RTN1: variants seen among roughly 807,000 people sequenced by gnomAD.
The protein encoded by RTN1 is reticulon 1.
A neutral mutation model predicts 65.5 loss-of-function variants in RTN1; 25 were observed. The observed-to-expected ratio is 0.38, with a 90% CI of 0.28 to 0.53. The LOEUF (loss-of-function observed/expected upper bound fraction) is 0.53, where lower values mean the gene tolerates loss of function less well. Among genes scored for constraint, RTN1 ranks in the 20% least tolerant of loss-of-function variants. The pLI, the probability that RTN1 is intolerant of heterozygous loss-of-function variation, is 0.79. For synonymous variants in RTN1, 471 were observed against 447.6 expected, an observed-to-expected ratio of 1.05 and a Z score of -0.66; for missense variants, 983 against 1,025.4, an observed-to-expected ratio of 0.96 and a Z score of 0.57.
At chr14:59,783,195 T>C (rs1196903458) in intron 1 of RTN1, among the ~76,000 whole-genome samples, 1 of 152,204 alleles carries the variant, frequency 6.6e-6, no homozygotes. Flanking sequence ...TCTATGCCTA[T>C]GTATATGGGT....
chr14:59,624,235 AAC>A (rs1882332090), intron 3 of RTN1, among the ~76,000 whole-genome samples: 1 of 152,222 alleles, frequency 6.6e-6, no homozygotes, highest in Non-Finnish European at 1.5e-5. Flanking sequence ...GGAAAAATAG[AAC>A]ACTATACTTT....
chr14:59,630,777 C>T, intron 3 of RTN1: 2 of 1,061,016 alleles, frequency 1.9e-6, no homozygotes, highest in South Asian at 4.5e-5. Context: ...GGCTGGGCTG[C>T]CCAAGGGTGC....
intron 1 of RTN1, among the ~76,000 whole-genome samples, chr14:59,838,908 C>G (rs1887262625): frequency 1.3e-5 from 2 of 152,102 alleles, no homozygotes; most frequent in African/African-American, 4.8e-5. Flanking sequence ...TTTGTCTCTT[C>G]TTGTTTTAAA....
chr14:59,747,832 AACAC>A, intron 1 of RTN1, among the ~76,000 whole-genome samples: 1 of 152,072 alleles, frequency 6.6e-6, no homozygotes, highest in East Asian at 1.9e-4. Flanking sequence ...CATATACACA[AACAC>A]ACACACAGTA....
intron 1 of RTN1, among the ~76,000 whole-genome samples, chr14:59,822,859 G>C (rs1459122065): frequency 6.6e-6 from 1 of 150,886 alleles, no homozygotes; most frequent in African/African-American, 2.4e-5. Context: ...TGGTCCAAGA[G>C]TATGGTTGGT....
At chr14:59,639,361 G>T (rs1882729570) in intron 3 of RTN1, among the ~76,000 whole-genome samples, 1 of 152,128 alleles carries the variant, frequency 6.6e-6, no homozygotes, top group Non-Finnish European at 1.5e-5. Context: ...TGAAAAGATG[G>T]TGCTAATAAA....
intron 1 of RTN1, among the ~76,000 whole-genome samples, chr14:59,760,861 G>C (rs947691833): frequency 1.1e-4 from 16 of 152,168 alleles, no homozygotes; most frequent in Non-Finnish European, 2.4e-4. Flanking sequence ...GTTCCAACCA[G>C]AGAATACACT....
chr14:59,685,527 A>G (rs1952033), intron 3 of RTN1, among the ~76,000 whole-genome samples: 110,069 of 152,046 alleles, frequency 0.72, 40,100 homozygotes, highest in Non-Finnish European at 0.74. Flanking sequence ...ATTAACAGTG[A>G]ATTATCTGAA....
intron 1 of RTN1, among the ~76,000 whole-genome samples, chr14:59,758,550 A>G (rs1261478655): frequency 1.3e-5 from 2 of 152,112 alleles, no homozygotes; most frequent in Non-Finnish European, 2.9e-5. Context: ...TCCCAAATCC[A>G]AATAACATCT....
rs561583485 is a variant in RTN1, at chr14:59,672,930, G to A, written c.1765+53989C>T. Among the ~76,000 whole-genome samples the A allele has an allele frequency of 1.2e-4, 19 of 152,232 alleles. No individual in the cohort carries two copies. In the East Asian group the frequency reaches 1.3e-3, roughly 11 times the overall value. On this transcript the variant is annotated intron_variant, in intron 3 of 8. Coordinates refer to ENST00000267484, the MANE Select transcript of RTN1 (RefSeq NM_021136.3). ...GCTGGGATTACAGGCGTGAGCCACC[G>A]CGCCCGGCCAAGATATTTCTTTTTT...
chr14:59,605,270 C>A (rs1958930719), intron 5 of RTN1, 98 bp downstream of exon 5: 1 of 1,328,548 alleles, frequency 7.5e-7, no homozygotes, highest in Admixed American at 2.3e-5. Flanking sequence ...ATAATTAGCA[C>A]TTGCTTTTTA....
intron 1 of RTN1, among the ~76,000 whole-genome samples, chr14:59,859,223 C>T (rs979032257): frequency 2.6e-5 from 4 of 152,266 alleles, no homozygotes; most frequent in Admixed American, 2.0e-4. Flanking sequence ...TGAATTCCCA[C>T]GTGTTGTGGG....
At chr14:59,787,038 G>A (rs998323830) in intron 1 of RTN1, among the ~76,000 whole-genome samples, 8 of 152,180 alleles carry the variant, frequency 5.3e-5, no homozygotes, top group Non-Finnish European at 1.2e-4. Flanking sequence ...TTACTGAAGA[G>A]AAATAAACAT....
chr14:59,653,258 GACA>G (rs1883055119), intron 3 of RTN1, among the ~76,000 whole-genome samples: 1 of 152,182 alleles, frequency 6.6e-6, no homozygotes, highest in African/African-American at 2.4e-5. Flanking sequence ...GAAGTTCCAT[GACA>G]TTCTGCATGC....
chr14:59,607,085 G>C (rs1173744318), intron 4 of RTN1, among the ~76,000 whole-genome samples, 200 bp downstream of exon 4: 3 of 152,230 alleles, frequency 2.0e-5, no homozygotes, highest in African/African-American at 7.2e-5. Flanking sequence ...AAAGCAATAA[G>C]TATTGGAATA....
At chr14:59,793,146 C>T (rs769231520) in intron 1 of RTN1, among the ~76,000 whole-genome samples, 1 of 152,178 alleles carries the variant, frequency 6.6e-6, no homozygotes, top group Non-Finnish European at 1.5e-5. Context: ...TCATATTCTA[C>T]AGAGAAACAG....
chr14:59,645,587 G>C (rs1446554435), intron 3 of RTN1, among the ~76,000 whole-genome samples: 1 of 152,178 alleles, frequency 6.6e-6, no homozygotes, highest in Non-Finnish European at 1.5e-5. Context: ...CCCAGTGGGA[G>C]GGGTGGGTTG....
chr14:59,753,438 G>C (rs767318940), intron 1 of RTN1, among the ~76,000 whole-genome samples: 6 of 152,068 alleles, frequency 3.9e-5, no homozygotes, highest in Admixed American at 2.0e-4. Context: ...AGATGGGATC[G>C]TATTAGAATC....
intron 8 of RTN1, among the ~76,000 whole-genome samples, chr14:59,601,709 A>G (rs1277821417): frequency 6.6e-6 from 1 of 152,194 alleles, no homozygotes; most frequent in East Asian, 1.9e-4. Flanking sequence ...ATAGTTTATG[A>G]ACACAGTTCT....
Sources: allele counts gnomAD v4.1 joint callset (sites outside exome capture counted in the v4.1 genomes callset), GRCh38; gene constraint gnomAD v4.1.1; transcripts MANE v1.5; gene names NCBI Gene and HGNC (gene_info 2026-07-23, HGNC 2026-07-21).